Variants in CCNT2 observed in about 807,000 individuals in gnomAD.
The protein encoded by CCNT2 is cyclin-T2.
In CCNT2, 18 loss-of-function variants were observed where a neutral mutation model predicts 70.0. The observed-to-expected ratio is 0.26, with a 90% CI of 0.18 to 0.38. CCNT2 has a LOEUF of 0.38. Ranked by LOEUF, CCNT2 falls within the 10% of genes least tolerant of loss-of-function variation. The pLI is 1.00. For missense variants in CCNT2, 734 were observed against 890.2 expected (o/e 0.82, Z 2.23); for synonymous variants, 334 against 313.3 (o/e 1.07, Z -0.70).
intron 5 of CCNT2, 155 bp downstream of exon 5, chr2:134,942,829 T>TAGATGTAGAA (rs1681671882): frequency 1.4e-6 from 2 of 1,384,630 alleles, no homozygotes; most frequent in South Asian, 1.7e-5. Flanking sequence ...GTGTTCTACA[T>TAGATGTAGAA]CTACTTCTAT....
chr2:134,947,181 T>A (rs936644910), intron 6 of CCNT2, among the ~76,000 whole-genome samples: 2 of 152,208 alleles, frequency 1.3e-5, no homozygotes, highest in African/African-American at 4.8e-5. Flanking sequence ...TGGCAAAAGG[T>A]AAGTTTCCTT....
At position 134,952,650 on chromosome 2, in the gene CCNT2, A is replaced by T; in HGVS notation, c.713A>T (p.His238Leu). The T allele has an allele frequency of 1.3e-6, 2 of 1,589,888 alleles. No individual in the cohort carries two copies. The highest frequency in any genetic ancestry group is 8.6e-7 in the Non-Finnish European group (1 of 1,168,078). ...VTLELLDELT[H>L]EFLQILEKTP... The stretch of plus-strand genomic sequence containing the variant: ...TAAATTTTATTTTTAGAGCTAACAC[A>T]TGAGTTTCTACAAATATTGGAGAAA... Residue 238 changes from histidine to leucine, a missense_variant, in exon 8 of 9, where the codon CAT (histidine) becomes CTT (leucine). Around this residue, in one of 3 missense-constraint regions of CCNT2, gnomAD observed 161 missense variants for 303.8 expected, o/e 0.53. Coordinates refer to ENST00000264157, the MANE Select transcript of CCNT2 (RefSeq NM_058241.3).
In CCNT2 at chr2:134,954,664, A is replaced by T. The variant is rs764944183; in HGVS notation, c.*16A>T. The T allele has an allele frequency of 6.6e-7, 1 of 1,520,340 alleles. No homozygotes were observed. The highest frequency in any genetic ancestry group is 9.0e-7 in the Non-Finnish European group (1 of 1,106,146). 94.2% of individuals were successfully genotyped at this position (1,520,340 alleles called of 1,614,324 possible). A position where few individuals can be genotyped will look rare whatever the true frequency, so the allele number is the denominator to read the frequency against. The stretch of plus-strand genomic sequence containing the variant: ...GAACATGTAATAATTTGTTTAGGTC[A>T]ATTTTTCCTTTACTTTTTTAATTTA... On this transcript the variant is annotated 3_prime_UTR_variant, in exon 9 of 9. Transcript: ENST00000264157.
chr2:134,922,450 A>ATG (rs1245070546), intron 2 of CCNT2, among the ~76,000 whole-genome samples: 2 of 152,238 alleles, frequency 1.3e-5, no homozygotes, highest in Admixed American at 6.5e-5. Flanking sequence ...CAGTATCAGC[A>ATG]TGTTTTGGTG....
At chr2:134,945,879 T>C in intron 5 of CCNT2, 1 of 1,510,864 alleles carries the variant, frequency 6.6e-7, no homozygotes, top group Non-Finnish European at 8.8e-7. Flanking sequence ...CAAATCGGCT[T>C]GTTTCTCAGA....
In CCNT2 at chr2:134,944,026, G is replaced by A. The variant is rs931256487; in HGVS notation, c.493+1352G>A. The A allele has an allele frequency of 9.1e-6, 9 of 984,362 alleles. No homozygotes were observed. In the African/African-American group the frequency reaches 1.4e-4, roughly 15 times the overall value. The allele number at this position is 984,362 out of a possible 1,614,324, so 61.0% of individuals were successfully genotyped here. The stretch of plus-strand genomic sequence containing the variant: ...TAGTGGCTACAATTTTTTAAAAACT[G>A]TCTGATAGTGTCATTAGGAAGTAGA... On this transcript the variant is annotated intron_variant, in intron 5 of 8. Coordinates refer to ENST00000264157, the MANE Select transcript of CCNT2 (RefSeq NM_058241.3).
intron 5 of CCNT2, chr2:134,943,520 G>A (rs1230279579): frequency 1.0e-6 from 1 of 984,892 alleles, no homozygotes; most frequent in South Asian, 4.7e-5. Flanking sequence ...TTTCCTTTTT[G>A]TAACGGAGAA....
intron 5 of CCNT2, chr2:134,945,224 AG>A (rs1208090691): frequency 1.0e-6 from 1 of 985,198 alleles, no homozygotes; most frequent in African/African-American, 1.7e-5. Flanking sequence ...AAAATAGGGG[AG>A]GGGGAAAGAA....
At chr2:134,951,963 TA>T (rs1264143033) in intron 7 of CCNT2, among the ~76,000 whole-genome samples, 2 of 152,208 alleles carry the variant, frequency 1.3e-5, no homozygotes, top group African/African-American at 4.8e-5. Context: ...CACTGACACT[TA>T]GGAGAATAAT....
At chr2:134,921,563 A>G (rs1468621212) in intron 2 of CCNT2, among the ~76,000 whole-genome samples, 1 of 152,170 alleles carries the variant, frequency 6.6e-6, no homozygotes, top group Admixed American at 6.5e-5. Flanking sequence ...CATGTTGGCC[A>G]GGCCGGTCTT....
chr2:134,952,048 T>C (rs1682545704), intron 7 of CCNT2, among the ~76,000 whole-genome samples: 1 of 152,194 alleles, frequency 6.6e-6, no homozygotes, highest in East Asian at 1.9e-4. Context: ...GTTATCCATT[T>C]TGAGCAAGAA....
intron 6 of CCNT2, 160 bp downstream of exon 6, chr2:134,946,306 GA>G: frequency 8.4e-7 from 1 of 1,189,460 alleles, no homozygotes. Flanking sequence ...TTGTACAAGG[GA>G]CTTTGGGCAC....
chr2:134,953,128 G>GT lies in CCNT2; in HGVS notation c.775-99dup, dbSNP rs1682652215. ...ACCCCAGGTCATTTTATTTCCATAT[G>GT]TTTAATATATAATGTTTTTAATATA... On this transcript the variant is annotated intron_variant, in intron 8 of 8. Transcript: ENST00000264157. 7 of 761,682 alleles carry GT rather than the reference G, an allele frequency of 9.2e-6. No homozygotes were observed. The South Asian group carries it at 1.5e-4, about 17-fold the overall frequency. 47.2% of individuals were successfully genotyped at this position (761,682 alleles called of 1,614,324 possible).
intron 5 of CCNT2, chr2:134,945,021 A>T (rs1487937720): frequency 1.0e-6 from 1 of 985,214 alleles, no homozygotes; most frequent in Non-Finnish European, 1.2e-6. Context: ...GAATTGGCTA[A>T]TGTCATTTTA....
At chr2:134,922,235 C>T (rs1007157605) in intron 2 of CCNT2, among the ~76,000 whole-genome samples, 6 of 152,118 alleles carry the variant, frequency 3.9e-5, no homozygotes, top group African/African-American at 1.4e-4. Context: ...AAATTAAACC[C>T]TATGAAATAA....
At chr2:134,952,571 A>G in intron 7 of CCNT2, 70 bp from the exon 8 acceptor site, 1 of 866,938 alleles carries the variant, frequency 1.2e-6, no homozygotes, top group Non-Finnish European at 1.8e-6. Flanking sequence ...CCTTTTTAAT[A>G]CTGCCCACTT....
At position 134,952,637 on chromosome 2, in the gene CCNT2, T is replaced by G; in HGVS notation, c.704-4T>G. The G allele has an allele frequency of 6.4e-7, 1 of 1,565,918 alleles. No homozygotes were observed. On this transcript the variant is annotated splice_polypyrimidine_tract_variant and splice_region_variant and intron_variant, in intron 7 of 8. Transcript: ENST00000264157. ...TAAGTTTCAAATTTAAATTTTATTT[T>G]TAGAGCTAACACATGAGTTTCTACA...
chr2:134,956,195 C>T lies in CCNT2; in HGVS notation c.*1547C>T, dbSNP rs924955143. On this transcript the variant is annotated 3_prime_UTR_variant, in exon 9 of 9. Transcript: ENST00000264157. ...TATTTTTGTTACAAAGCCACTGATA[C>T]GTGCACAATTGTAATTAAGTATGTT... is the stretch of plus-strand genomic sequence containing the variant. The T allele has an allele frequency of 1.3e-5, 2 of 152,570 alleles. No homozygotes were observed. Among genetic ancestry groups the T allele is most frequent in the East Asian group, 1.9e-4 (1 of 5,208 alleles). The allele number at this position is 152,570 out of a possible 1,614,324, so 9.5% of individuals were successfully genotyped here. A position where few individuals can be genotyped will look rare whatever the true frequency, so the allele number is the denominator to read the frequency against.
chr2:134,945,348 G>A, intron 5 of CCNT2: 4 of 985,386 alleles, frequency 4.1e-6, no homozygotes, highest in Non-Finnish European at 4.8e-6. Context: ...ACTATAACAA[G>A]AGCATCCCTG....
Sources: gnomAD v4.1 joint callset for allele counts (sites outside exome capture counted in the v4.1 genomes callset) on GRCh38, gnomAD v4.1.1 for gene constraint, gnomAD v4.1.1 regional missense constraint, MANE v1.5 for transcripts, NCBI Gene and HGNC (gene_info 2026-07-23, HGNC 2026-07-21) for gene names.